POU6F2: variants seen among roughly 807,000 people sequenced by gnomAD.
POU6F2 encodes POU class 6 homeobox 2.
Under a neutral mutation model 71.3 loss-of-function variants are expected in POU6F2, and 31 were observed. The ratio of observed to expected loss-of-function variants is 0.43; its 90% CI spans 0.33 to 0.59. The LOEUF is 0.59. POU6F2 is among the 20% of genes least tolerant of loss of function. The probability of loss-of-function intolerance (pLI) is 0.04; values close to 1 mark genes in which losing one functional copy is unlikely to be tolerated. For missense variants in POU6F2, 783 were observed against 856.8 expected, an observed-to-expected ratio of 0.91 and a Z score of 1.07; for synonymous variants, 347 against 355.7, an observed-to-expected ratio of 0.98 and a Z score of 0.27.
intron 4 of POU6F2, among the ~76,000 whole-genome samples, chr7:39,235,408 C>T (rs912491299): frequency 3.3e-5 from 5 of 152,116 alleles, no homozygotes; most frequent in African/African-American, 1.2e-4. Context: ...ATCTCCATTT[C>T]GCTTGTTTAA....
intron 4 of POU6F2, among the ~76,000 whole-genome samples, chr7:39,336,307 C>T (rs1344364566): frequency 6.6e-6 from 1 of 152,226 alleles, no homozygotes; most frequent in Non-Finnish European, 1.5e-5. Flanking sequence ...ATCTCCTCCC[C>T]ATCCCTTCCA....
At chr7:39,395,065 A>C (rs917401) in intron 5 of POU6F2, among the ~76,000 whole-genome samples, 77,996 of 151,848 alleles carry the variant, frequency 0.51, 20,666 homozygotes, top group East Asian at 0.75. Context: ...TCCTGTTCTC[A>C]TCTGCCTCCA....
At chr7:39,148,874 A>G (rs1468698152) in intron 2 of POU6F2, among the ~76,000 whole-genome samples, 2 of 152,196 alleles carry the variant, frequency 1.3e-5, no homozygotes, top group Admixed American at 1.3e-4. Flanking sequence ...TGATCGCGAG[A>G]TGATGTGGAT....
chr7:39,309,748 A>G (rs1007481363), intron 4 of POU6F2, among the ~76,000 whole-genome samples: 2 of 152,220 alleles, frequency 1.3e-5, no homozygotes, highest in Non-Finnish European at 2.9e-5. Context: ...CGAGTTGGTG[A>G]CATGACATAG....
chr7:39,159,060 C>T, intron 2 of POU6F2, among the ~76,000 whole-genome samples: 1 of 151,842 alleles, frequency 6.6e-6, no homozygotes, highest in South Asian at 2.1e-4. Context: ...TGCCTGTAAT[C>T]CCAGCTACTC....
intron 4 of POU6F2, among the ~76,000 whole-genome samples, chr7:39,331,581 C>T (rs899741621): frequency 3.9e-5 from 6 of 152,122 alleles, no homozygotes; most frequent in African/African-American, 1.4e-4. Context: ...GATCTCGGCT[C>T]ACTGCAACCT....
intron 5 of POU6F2, 116 bp downstream of exon 5, chr7:39,340,131 T>A: frequency 7.4e-7 from 1 of 1,352,332 alleles, no homozygotes; most frequent in South Asian, 1.7e-5. Context: ...TTCTGCAGCA[T>A]CTAATTCAAA....
At chr7:39,437,712 T>C (rs1449599904) in intron 7 of POU6F2, among the ~76,000 whole-genome samples, 1 of 152,194 alleles carries the variant, frequency 6.6e-6, no homozygotes, top group East Asian at 1.9e-4. Context: ...ATTGTGATGT[T>C]AGGGTGTCGA....
intron 4 of POU6F2, among the ~76,000 whole-genome samples, chr7:39,242,538 GC>G (rs938092428): frequency 6.6e-6 from 1 of 151,878 alleles, no homozygotes; most frequent in Non-Finnish European, 1.5e-5. Flanking sequence ...AAAAAGAAAG[GC>G]TTTTTTGGGG....
intron 2 of POU6F2, among the ~76,000 whole-genome samples, chr7:39,176,522 C>G (rs915278541): frequency 6.6e-6 from 1 of 152,122 alleles, no homozygotes; most frequent in Admixed American, 6.5e-5. Flanking sequence ...ACCAATGAGG[C>G]AACACTAGGG....
At chr7:39,446,036 C>A (rs1340970463) in intron 7 of POU6F2, among the ~76,000 whole-genome samples, 1 of 152,152 alleles carries the variant, frequency 6.6e-6, no homozygotes, top group Non-Finnish European at 1.5e-5. Context: ...CTCTAACAGC[C>A]CTCCAGGTGA....
At chr7:39,064,762 A>C (rs770710496) in intron 1 of POU6F2, among the ~76,000 whole-genome samples, 8 of 151,876 alleles carry the variant, frequency 5.3e-5, no homozygotes, top group Non-Finnish European at 1.2e-4. Context: ...ATCAGAGAAG[A>C]AGCAAATATT....
chr7:39,247,432 C>A (rs1349589977), intron 4 of POU6F2, among the ~76,000 whole-genome samples: 2 of 151,588 alleles, frequency 1.3e-5, no homozygotes, highest in Non-Finnish European at 2.9e-5. Context: ...GCCTGGGAGA[C>A]AGAGTGAGAC....
intron 2 of POU6F2, among the ~76,000 whole-genome samples, chr7:39,169,910 C>T (rs530570499): frequency 7.9e-5 from 12 of 152,206 alleles, no homozygotes; most frequent in South Asian, 4.1e-4. Flanking sequence ...AGGCTGGGCG[C>T]GGTGGCTCAT....
At chr7:39,421,422 G>A (rs1314351813) in intron 6 of POU6F2, among the ~76,000 whole-genome samples, 1 of 152,154 alleles carries the variant, frequency 6.6e-6, no homozygotes, top group Non-Finnish European at 1.5e-5. Context: ...GAAACTGAGT[G>A]GTGATGAACA....
At chr7:39,090,230 G>T (rs959085611) in intron 2 of POU6F2, among the ~76,000 whole-genome samples, 1 of 152,078 alleles carries the variant, frequency 6.6e-6, no homozygotes, top group Non-Finnish European at 1.5e-5. Context: ...GTACTATATT[G>T]TGTATTTCTT....
rs116940271 is a variant in POU6F2 at position 39,049,069 on chromosome 7, T to C, written c.106-36791T>C. Among the ~76,000 whole-genome samples the C allele has an allele frequency of 4.5e-3, 685 of 152,116 alleles. 4 individuals carry two copies. The highest frequency in any genetic ancestry group is 7.1e-3 in the Non-Finnish European group (484 of 67,948). ...GATGTTACCTCTTTTGCTCTTTATT[T>C]TGGCAATTTGTGCTTTCTTTCTTTT... On this transcript the variant is annotated intron_variant, in intron 1 of 9. Transcript: ENST00000518318.
At chr7:39,034,540 C>A in intron 1 of POU6F2, 1 of 401,388 alleles carries the variant, frequency 2.5e-6, no homozygotes, top group Non-Finnish European at 5.3e-6. Flanking sequence ...AAGTCGGGGT[C>A]AGATTGGGTT....
intron 1 of POU6F2, among the ~76,000 whole-genome samples, chr7:39,031,631 C>T (rs1789944590): frequency 6.6e-6 from 1 of 152,052 alleles, no homozygotes; most frequent in African/African-American, 2.4e-5. Context: ...ACCTGTAATC[C>T]CAGCACTTTG....
Sources: allele counts gnomAD v4.1 joint callset (sites outside exome capture counted in the v4.1 genomes callset), GRCh38; gene constraint gnomAD v4.1.1; transcripts MANE v1.5; gene names NCBI Gene and HGNC (gene_info 2026-07-23, HGNC 2026-07-21).